Variants in BBS4 observed in about 807,000 individuals in gnomAD.
BBS4 encodes the protein BBSome complex member BBS4.
A neutral mutation model predicts 71.4 loss-of-function variants in BBS4; 58 were observed. The observed-to-expected ratio is 0.81, with a 90% CI of 0.66 to 1.01. BBS4 has a LOEUF of 1.01. Ranked by LOEUF, BBS4 falls within the 50% of genes least tolerant of loss-of-function variation. BBS4 has a pLI of 0.00. For synonymous variants in BBS4, 228 were observed against 216.8 expected, an observed-to-expected ratio of 1.05 and a Z score of -0.46; for missense variants, 660 against 607.9, an observed-to-expected ratio of 1.09 and a Z score of -0.90.
At chr15:72,704,821 G>A (rs1231877742) in intron 2 of BBS4, among the ~76,000 whole-genome samples, 2 of 151,876 alleles carry the variant, frequency 1.3e-5, no homozygotes, top group East Asian at 3.9e-4. Context: ...TGGAGATTGC[G>A]GTGAGCTAAG....
Position 72,716,773 on chromosome 15 carries a change from TAC to T in BBS4, c.333-3_333-2del, listed in dbSNP as rs1647621036. 6.3e-7 allele frequency: 1 copy of T among 1,595,116 alleles called. No individual in the cohort carries two copies. The highest frequency in any genetic ancestry group is 1.3e-5 in the African/African-American group (1 of 74,570). On this transcript the variant is annotated splice_polypyrimidine_tract_variant and splice_region_variant and intron_variant, in intron 5 of 15. Coordinates refer to ENST00000268057, the MANE Select transcript of BBS4 (RefSeq NM_033028.5). ...TAATAATTATGGAAAATATATCTTT[TAC>T]AGATTTCTTTTGGGAAAACATAAAG...
At chr15:72,715,510 G>T (rs913796239) in intron 5 of BBS4, 108 bp downstream of exon 5, 6 of 799,694 alleles carry the variant, frequency 7.5e-6, no homozygotes, top group South Asian at 2.7e-5. Context: ...ATACACAAGT[G>T]GGGGAATGGT....
intron 2 of BBS4, among the ~76,000 whole-genome samples, chr15:72,702,235 T>C (rs950416298): frequency 6.6e-6 from 1 of 152,178 alleles, no homozygotes; most frequent in Non-Finnish European, 1.5e-5. Flanking sequence ...CCTTTATGAT[T>C]GGGCAGAAAC....
intron 3 of BBS4, among the ~76,000 whole-genome samples, chr15:72,710,080 C>T (rs796698594): frequency 2.6e-5 from 4 of 151,806 alleles, no homozygotes; most frequent in African/African-American, 9.7e-5. Context: ...TGTGTCTTCT[C>T]ATGTCAAGAG....
At chr15:72,725,931 TCCCCTTCCCCCTTTCCCCTTC>T (rs2065685884) in intron 8 of BBS4, among the ~76,000 whole-genome samples, 1 of 15,700 alleles carries the variant, frequency 6.4e-5, no homozygotes. Context: ...CTTCCCCCTT[TCCCCTTCCCCCTTTCCCCTTC>T]CTCCTTTCCC....
At chr15:72,691,746 T>G (rs898248939) in intron 1 of BBS4, among the ~76,000 whole-genome samples, 2 of 152,126 alleles carry the variant, frequency 1.3e-5, no homozygotes, top group Non-Finnish European at 2.9e-5. Context: ...CTGCGGATCA[T>G]GAGGTCAAGA....
chr15:72,712,859 C>T (rs918316163), intron 4 of BBS4, among the ~76,000 whole-genome samples: 1 of 152,228 alleles, frequency 6.6e-6, no homozygotes, highest in East Asian at 1.9e-4. Flanking sequence ...ATTTTTTCTA[C>T]AATGATAAAT....
intron 2 of BBS4, chr15:72,698,039 T>C (rs546714832): frequency 1.2e-4 from 53 of 455,886 alleles, no homozygotes; most frequent in Middle Eastern, 9.8e-4. Context: ...ATCATTGAGG[T>C]GAGCGAACTG....
At chr15:72,729,560 C>CT in intron 9 of BBS4, 56 bp from the exon 10 acceptor site, 2 of 1,565,208 alleles carry the variant, frequency 1.3e-6, no homozygotes, top group African/African-American at 2.7e-5. Context: ...TGGCCAGACT[C>CT]TTTTAACTGC....
intron 2 of BBS4, among the ~76,000 whole-genome samples, chr15:72,696,350 G>T (rs528723136): frequency 6.6e-6 from 1 of 152,182 alleles, no homozygotes; most frequent in Non-Finnish European, 1.5e-5. Flanking sequence ...TCTTTGAATG[G>T]TATCAACATA....
intron 1 of BBS4, among the ~76,000 whole-genome samples, chr15:72,694,101 T>C (rs756440157): frequency 1.3e-5 from 2 of 151,952 alleles, no homozygotes; most frequent in Non-Finnish European, 2.9e-5. Context: ...GCCAGGCTGG[T>C]GTTGAACTCC....
intron 1 of BBS4, among the ~76,000 whole-genome samples, chr15:72,693,006 C>T (rs777397876): frequency 6.6e-6 from 1 of 152,058 alleles, no homozygotes; most frequent in Non-Finnish European, 1.5e-5. Context: ...CCTCTTATTT[C>T]ATGCCTTGGA....
intron 2 of BBS4, among the ~76,000 whole-genome samples, chr15:72,700,461 C>T (rs576335150): frequency 2.0e-5 from 3 of 152,314 alleles, no homozygotes; most frequent in Admixed American, 2.0e-4. Flanking sequence ...TTGTTACTAT[C>T]AGTCTTTTTC....
intron 1 of BBS4, chr15:72,686,816 A>G (rs890697793): frequency 1.1e-5 from 4 of 349,526 alleles, no homozygotes; most frequent in East Asian, 7.5e-5. Flanking sequence ...TTTGAGGCAT[A>G]TATCTATAAT....
At chr15:72,704,879 CAAAA>C (rs1035048283) in intron 2 of BBS4, among the ~76,000 whole-genome samples, 1 of 151,022 alleles carries the variant, frequency 6.6e-6, no homozygotes, top group Admixed American at 6.6e-5. Flanking sequence ...GACTCCATCT[CAAAA>C]AAACAAAACA....
At chr15:72,693,446 C>G (rs1012555789) in intron 1 of BBS4, among the ~76,000 whole-genome samples, 2 of 152,142 alleles carry the variant, frequency 1.3e-5, no homozygotes, top group African/African-American at 4.8e-5. Context: ...CAGGTGTTAG[C>G]AAACCTTTTT....
intron 1 of BBS4, among the ~76,000 whole-genome samples, chr15:72,692,195 G>T (rs2064996496): frequency 6.6e-6 from 1 of 150,928 alleles, no homozygotes; most frequent in East Asian, 1.9e-4. Context: ...AGGTAATGGA[G>T]TAACTTTATT....
intron 5 of BBS4, among the ~76,000 whole-genome samples, chr15:72,715,701 T>C (rs1264174195): frequency 6.6e-6 from 1 of 152,242 alleles, no homozygotes; most frequent in African/African-American, 2.4e-5. Flanking sequence ...TCTAAACTTA[T>C]TGGCAATCCT....
At chr15:72,711,428 C>T (rs1157077412) in intron 3 of BBS4, among the ~76,000 whole-genome samples, 1 of 152,194 alleles carries the variant, frequency 6.6e-6, no homozygotes, top group African/African-American at 2.4e-5. Context: ...GGATTACATG[C>T]GTGAGCCACC....
Sources: allele counts gnomAD v4.1 joint callset (sites outside exome capture counted in the v4.1 genomes callset), GRCh38; gene constraint gnomAD v4.1.1; transcripts MANE v1.5; gene names NCBI Gene and HGNC (gene_info 2026-07-23, HGNC 2026-07-21).